The following TLX2 variants were observed in gnomAD, a reference collection of about 807,000 sequenced individuals.
TLX2 encodes the protein T cell leukemia homeobox 2.
In TLX2, 15 loss-of-function variants were observed where a neutral mutation model predicts 21.7. That is an observed-to-expected ratio of 0.69 (90% CI 0.46 to 1.07). The LOEUF (loss-of-function observed/expected upper bound fraction) is 1.07. Among genes scored for constraint, TLX2 ranks in the 50% least tolerant of loss-of-function variants. The pLI, the probability that TLX2 is intolerant of heterozygous loss-of-function variation, is 0.00. For synonymous variants in TLX2, 213 were observed against 193.1 expected (o/e 1.10, Z -0.85); for missense variants, 384 against 409.1 (o/e 0.94, Z 0.53).
At position 74,516,227 on chromosome 2, in the gene TLX2, G is replaced by A. The variant is rs752211718; in HGVS notation, c.*38G>A. ...CGATCGGCGTGGAGCGCCGGGCCCG[G>A]AGCGGTGGAGCGCGCGGCTGCCTGC... On this transcript the variant is annotated 3_prime_UTR_variant, in exon 3 of 3. Transcript: ENST00000233638. The A allele has an allele frequency of 1.9e-6, 3 of 1,586,374 alleles. No individual in the cohort carries two copies. Among genetic ancestry groups the A allele is most frequent in the Middle Eastern group, 1.7e-4 (1 of 6,004 alleles).
rs1044701023 is a variant in TLX2 at position 74,515,436 on chromosome 2, G to A, written c.401-197G>A. Among the ~76,000 whole-genome samples, 1 of 152,120 alleles carries A rather than the reference G, an allele frequency of 6.6e-6. No individual in the cohort carries two copies. The highest frequency in any genetic ancestry group is 1.5e-5 in the Non-Finnish European group (1 of 68,012). On this transcript the variant is annotated intron_variant, in intron 1 of 2. Transcript: ENST00000233638. This position sits in a 1 kb window ranked among gnomAD's most constrained non-coding sequence, Gnocchi z 6.6. ...GTCCCACTGTCCACGCGTGGGGAGG[G>A]GAGGGTGAAGTTACAGGGGACGTCT...
Position 74,515,326 on chromosome 2 carries a change from T to A in TLX2, c.400+120T>A. On this transcript the variant is annotated intron_variant, in intron 1 of 2. Coordinates refer to ENST00000233638, the MANE Select transcript of TLX2 (RefSeq NM_016170.5). This position sits in a 1 kb window ranked among gnomAD's most constrained non-coding sequence, Gnocchi z 6.6. ...CCTCCCACTAGATCCTCCCAGGGGA[T>A]CCTCCCCCAACTCAAATCTCTGGGT... The A allele has an allele frequency of 6.6e-7, 1 of 1,511,966 alleles. No homozygotes were observed. Among genetic ancestry groups the A allele is most frequent in the African/African-American group, 1.4e-5 (1 of 71,458 alleles). The allele number at this position is 1,511,966 out of a possible 1,614,324, so 93.7% of individuals were successfully genotyped here. A position where few individuals can be genotyped will look rare whatever the true frequency, so the allele number is the denominator to read the frequency against.
In TLX2 at chr2:74,515,603, T is replaced by C. The variant is rs1169487926; in HGVS notation, c.401-30T>C. The stretch of plus-strand genomic sequence containing the variant: ...GTGGCACCTCGGGCCACCCTGCAAA[T>C]CCTGCCCTGGTCTTTCTTCCTCCCG... On this transcript the variant is annotated intron_variant, in intron 1 of 2. Coordinates refer to ENST00000233638, the MANE Select transcript of TLX2 (RefSeq NM_016170.5). This position sits in a 1 kb window ranked among gnomAD's most constrained non-coding sequence, Gnocchi z 6.6. The C allele has an allele frequency of 6.3e-7, 1 of 1,588,892 alleles. No individual in the cohort carries two copies. The highest frequency in any genetic ancestry group is 8.6e-7 in the Non-Finnish European group (1 of 1,164,214).
Position 74,514,992 on chromosome 2 carries a change from C to T in TLX2, c.186C>T (p.Pro62=), listed in dbSNP as rs1280578117. The T allele has an allele frequency of 1.3e-6, 2 of 1,543,422 alleles. No individual in the cohort carries two copies. Among genetic ancestry groups the T allele is most frequent in the Admixed American group, 2.0e-5 (1 of 50,524 alleles). Residue 62 remains proline (P), a synonymous_variant, in exon 1 of 3, where the codon CCC becomes CCT. Transcript: ENST00000233638. This position sits in a 1 kb window ranked among gnomAD's most constrained non-coding sequence, Gnocchi z 5.0. ...GGYHGASGYG[P]AGSLAPLPGS... ...ACCACGGAGCCTCGGGCTACGGTCC[C>T]GCCGGCTCACTTGCCCCGCTGCCCG...
rs1175126166 is a variant in TLX2 at position 74,515,724 on chromosome 2, C to T, written c.492C>T (p.Phe164=). The T allele has an allele frequency of 3.7e-6, 6 of 1,613,558 alleles. No homozygotes were observed. Among genetic ancestry groups the T allele is most frequent in the Non-Finnish European group, 4.2e-6 (5 of 1,179,984 alleles). Residue 164 remains phenylalanine, a synonymous_variant, in exon 2 of 3, where the codon TTC becomes TTT. Transcript: ENST00000233638. The surrounding 1 kb of genome is among the most constrained non-coding windows in gnomAD (Gnocchi z 6.6). ...PPKRKKPRTS[F]SRSQVLELER... is the part of the protein sequence containing the mutation. The stretch of plus-strand genomic sequence containing the variant: ...AGCGGAAGAAGCCGCGCACGTCCTT[C>T]TCCCGCTCACAGGTGCTGGAGTTGG...
rs781226088 is a variant in TLX2 at position 74,516,247 on chromosome 2, G to C, written c.*58G>C. 1 of 1,567,158 alleles carries C rather than the reference G, an allele frequency of 6.4e-7. No individual in the cohort carries two copies. Among genetic ancestry groups the C allele is most frequent in the South Asian group, 1.1e-5 (1 of 87,044 alleles). On this transcript the variant is annotated 3_prime_UTR_variant, in exon 3 of 3. Coordinates refer to ENST00000233638, the MANE Select transcript of TLX2 (RefSeq NM_016170.5). Reference sequence around the variant, plus strand: ...GCCCGGAGCGGTGGAGCGCGCGGCTGCCTGCGTCCATGGTCTAGTGGCAGC... The same window carrying C: ...GCCCGGAGCGGTGGAGCGCGCGGCTCCCTGCGTCCATGGTCTAGTGGCAGC...
rs867285349 is a variant in TLX2, at chr2:74,516,348, G to A, written c.*159G>A. On this transcript the variant is annotated 3_prime_UTR_variant, in exon 3 of 3. Coordinates refer to ENST00000233638, the MANE Select transcript of TLX2 (RefSeq NM_016170.5). ...ACCACCGGCCGGCTCCCAAGCCAGC[G>A]TTGCGCAGATGCACGGCCAGCTCAG... The A allele has an allele frequency of 7.9e-6, 12 of 1,521,632 alleles. No homozygotes were observed. In the African/African-American group the frequency reaches 1.3e-4, roughly 16 times the overall value. The allele number at this position is 1,521,632 out of a possible 1,614,324, so 94.3% of individuals were successfully genotyped here. A position where few individuals can be genotyped will look rare whatever the true frequency, so the allele number is the denominator to read the frequency against.
chr2:74,515,962 C>T lies in TLX2; in HGVS notation c.639-11C>T. ...CGGGCGCCCCGCTGACCCCGCGTCT[C>T]CCTCCCTTAGGCGCCAGACGGCGGA... On this transcript the variant is annotated splice_polypyrimidine_tract_variant and intron_variant, in intron 2 of 2. Coordinates refer to ENST00000233638, the MANE Select transcript of TLX2 (RefSeq NM_016170.5). The surrounding 1 kb of genome is among the most constrained non-coding windows in gnomAD (Gnocchi z 6.6). 6.8e-7 allele frequency: 1 copy of T among 1,473,900 alleles called. No individual in the cohort carries two copies. 91.3% of individuals were successfully genotyped at this position (1,473,900 alleles called of 1,614,324 possible).
At position 74,516,167 on chromosome 2, in the gene TLX2, C is replaced by A; in HGVS notation, c.833C>A (p.Ser278Tyr). The A allele has an allele frequency of 6.2e-7, 1 of 1,610,406 alleles. No homozygotes were observed. The highest frequency in any genetic ancestry group is 8.5e-7 in the Non-Finnish European group (1 of 1,178,938). Residue 278 changes from serine (S) to tyrosine (Y), a missense_variant, in exon 3 of 3, where the codon TCC (serine) becomes TAC (tyrosine). Physicochemically the swap from Ser to Tyr is moderately radical, Grantham distance 144. Coordinates refer to ENST00000233638, the MANE Select transcript of TLX2 (RefSeq NM_016170.5). ...WAEDNKVASV[S>Y]GLASVV ...GAGGACAACAAAGTGGCTTCAGTGT[C>A]CGGGCTCGCCTCGGTGGTGTGAGCG...
Sources: allele counts gnomAD v4.1 joint callset (sites outside exome capture counted in the v4.1 genomes callset), GRCh38; gene constraint gnomAD v4.1.1; non-coding constraint Gnocchi (gnomAD v3.1); transcripts MANE v1.5; gene names NCBI Gene and HGNC (gene_info 2026-07-23, HGNC 2026-07-21).